The following FUT8 variants were observed in gnomAD, a reference collection of about 807,000 sequenced individuals.
The protein encoded by FUT8 is alpha-(1,6)-fucosyltransferase.
A neutral mutation model predicts 71.3 loss-of-function variants in FUT8; 29 were observed. The observed-to-expected ratio is 0.41, with a 90% CI of 0.30 to 0.55. The LOEUF is 0.55. Among genes scored for constraint, FUT8 ranks in the 20% least tolerant of loss-of-function variants. FUT8 has a pLI of 0.34. For missense variants in FUT8, 544 were observed against 702.1 expected (o/e 0.77, Z 2.55); for synonymous variants, 254 against 239.3 (o/e 1.06, Z -0.57).
chr14:65,637,799 G>C lies in FUT8; in HGVS notation c.597+8193G>C, dbSNP rs547167114. On this transcript the variant is annotated intron_variant, in intron 6 of 10. Transcript: ENST00000673929. Reference sequence around the variant, plus strand: ...GCCCTGAAAGCAGGTTGCCAGAAACGGGACTTACTTCTGGTCTTTTGTGTG... The same window carrying C: ...GCCCTGAAAGCAGGTTGCCAGAAACCGGACTTACTTCTGGTCTTTTGTGTG... Among the ~76,000 whole-genome samples, 431 of 152,124 alleles carry C rather than the reference G, an allele frequency of 2.8e-3. 6 individuals carry two copies. Among genetic ancestry groups the C allele is most frequent in the Middle Eastern group, 0.01 (3 of 294 alleles).
chr14:65,389,277 T>TTA, the FUT8 span, among the ~76,000 whole-genome samples: 1 of 152,058 alleles, frequency 6.6e-6, no homozygotes, highest in African/African-American at 2.4e-5. Context: ...TGTGTGATCG[T>TTA]GGCTTCCTGC....
intron 7 of FUT8, among the ~76,000 whole-genome samples, chr14:65,679,868 CT>C (rs1395692998): frequency 2.0e-5 from 3 of 152,108 alleles, no homozygotes; most frequent in Admixed American, 2.0e-4. Flanking sequence ...ATTTAGCCCC[CT>C]ACCTATTTTT....
intron 2 of FUT8, among the ~76,000 whole-genome samples, chr14:65,485,994 G>A (rs2066404267): frequency 6.6e-6 from 1 of 152,140 alleles, no homozygotes; most frequent in Non-Finnish European, 1.5e-5. Context: ...TTTTAAGTGA[G>A]AGGACAAACC....
chr14:65,733,172 G>A, intron 9 of FUT8, 59 bp from the exon 10 acceptor site: 1 of 1,065,208 alleles, frequency 9.4e-7, no homozygotes. Context: ...GAGAAAGTCT[G>A]CCTTCTGATA....
chr14:65,733,655 C>A (rs1896082588), intron 10 of FUT8, among the ~76,000 whole-genome samples: 1 of 152,144 alleles, frequency 6.6e-6, no homozygotes, highest in East Asian at 1.9e-4. Flanking sequence ...TTGGCTTGTT[C>A]ACAGCATTTA....
chr14:65,538,731 C>T (rs932665956), intron 2 of FUT8, among the ~76,000 whole-genome samples: 4 of 152,082 alleles, frequency 2.6e-5, no homozygotes, highest in African/African-American at 9.7e-5. Context: ...ACCAGCCTGG[C>T]CAACATGATG....
intron 9 of FUT8, among the ~76,000 whole-genome samples, chr14:65,727,085 C>T (rs1245338649): frequency 6.6e-6 from 1 of 152,208 alleles, no homozygotes; most frequent in Admixed American, 6.5e-5. Flanking sequence ...TATGGCTTTG[C>T]AGTGTATAGC....
At chr14:65,518,652 A>G (rs930309652) in intron 2 of FUT8, among the ~76,000 whole-genome samples, 6 of 151,962 alleles carry the variant, frequency 3.9e-5, no homozygotes, top group African/African-American at 1.5e-4. Flanking sequence ...CACCACCCAA[A>G]TAGCTGGGAT....
intron 1 of FUT8, among the ~76,000 whole-genome samples, chr14:65,450,299 C>A (rs1324137580): frequency 6.6e-6 from 1 of 152,002 alleles, no homozygotes; most frequent in Non-Finnish European, 1.5e-5. Flanking sequence ...TTTTATACTT[C>A]TTTATTTTAA....
chr14:65,464,056 A>G (rs1017203893), intron 2 of FUT8, among the ~76,000 whole-genome samples: 7 of 152,224 alleles, frequency 4.6e-5, no homozygotes, highest in Admixed American at 2.6e-4. Context: ...TTTTTTCTTA[A>G]GCACCTATAC....
At chr14:65,420,481 A>G (rs2065276808) in intron 1 of FUT8, among the ~76,000 whole-genome samples, 1 of 152,066 alleles carries the variant, frequency 6.6e-6, no homozygotes, top group African/African-American at 2.4e-5. Context: ...CTGAAAGGAA[A>G]TAATGATAAA....
intron 2 of FUT8, among the ~76,000 whole-genome samples, chr14:65,546,079 C>T (rs1344651106): frequency 6.6e-6 from 1 of 151,710 alleles, no homozygotes; most frequent in African/African-American, 2.4e-5. Flanking sequence ...TAAACTTTCT[C>T]TTAAAATTTT....
intron 7 of FUT8, among the ~76,000 whole-genome samples, chr14:65,702,760 A>T (rs1274530899): frequency 6.6e-6 from 1 of 151,300 alleles, no homozygotes; most frequent in Non-Finnish European, 1.5e-5. Context: ...TTTTTTTTTA[A>T]ACAGAGTTTT....
intron 7 of FUT8, among the ~76,000 whole-genome samples, chr14:65,711,505 A>C (rs2139314524): frequency 6.6e-6 from 1 of 152,262 alleles, no homozygotes; most frequent in East Asian, 1.9e-4. Flanking sequence ...TATAACAAAA[A>C]AATTCTCCTT....
chr14:65,490,962 C>G (rs1169386600), intron 2 of FUT8, among the ~76,000 whole-genome samples: 2 of 152,090 alleles, frequency 1.3e-5, no homozygotes, highest in Non-Finnish European at 2.9e-5. Context: ...ATTGTAGTGA[C>G]TTGTTGAATT....
intron 6 of FUT8, among the ~76,000 whole-genome samples, chr14:65,661,253 G>A (rs1403317855): frequency 6.6e-6 from 1 of 152,140 alleles, no homozygotes; most frequent in Non-Finnish European, 1.5e-5. Context: ...GCTGCATCTT[G>A]TATTGAAGAC....
chr14:65,441,891 T>A (rs1032185711), intron 1 of FUT8, among the ~76,000 whole-genome samples: 2 of 151,918 alleles, frequency 1.3e-5, no homozygotes, highest in African/African-American at 4.8e-5. Context: ...GTTGGTGTGC[T>A]ACACTCATTA....
In FUT8 at chr14:65,649,202, G is replaced by A. The variant is rs576914520; in HGVS notation, c.597+19596G>A. Among the ~76,000 whole-genome samples, 21 of 152,272 alleles carry A rather than the reference G, an allele frequency of 1.4e-4. No homozygotes were observed. In the South Asian group the frequency reaches 4.1e-3, roughly 30 times the overall value. On this transcript the variant is annotated intron_variant, in intron 6 of 10. Coordinates refer to ENST00000673929, the MANE Select transcript of FUT8 (RefSeq NM_001371533.1). Reference sequence around the variant, plus strand: ...AGCATATCAGAAACTGTCTAGGATTGTTAGAATTCTAGTTAACATTCTGCC... The same window carrying A: ...AGCATATCAGAAACTGTCTAGGATTATTAGAATTCTAGTTAACATTCTGCC...
chr14:65,532,392 A>T (rs374439160), intron 2 of FUT8, among the ~76,000 whole-genome samples: 91 of 152,248 alleles, frequency 6.0e-4, no homozygotes, highest in African/African-American at 2.1e-3. Flanking sequence ...GTGTTGATCA[A>T]TGTTGGGCTT....
Sources: gnomAD v4.1 joint callset for allele counts (sites outside exome capture counted in the v4.1 genomes callset) on GRCh38, gnomAD v4.1.1 for gene constraint, MANE v1.5 for transcripts, NCBI Gene and HGNC (gene_info 2026-07-23, HGNC 2026-07-21) for gene names.